Variants in CAMTA1 observed in about 807,000 individuals in gnomAD.
The protein encoded by CAMTA1 is calmodulin-binding transcription activator 1.
Under a neutral mutation model 170.9 loss-of-function variants are expected in CAMTA1, and 27 were observed. The observed-to-expected ratio is 0.16, with a 90% CI of 0.12 to 0.22. The LOEUF is 0.22. Ranked by LOEUF, CAMTA1 falls within the 10% of genes least tolerant of loss-of-function variation. The pLI, the probability that CAMTA1 is intolerant of heterozygous loss-of-function variation, is 1.00. For missense variants in CAMTA1, 1,619 were observed against 2,217.2 expected (o/e 0.73, Z 5.42); for synonymous variants, 833 against 891.5 (o/e 0.93, Z 1.17).
intron 4 of CAMTA1, among the ~76,000 whole-genome samples, chr1:7,139,797 C>T (rs1400554373): frequency 2.0e-5 from 3 of 152,210 alleles, no homozygotes; most frequent in African/African-American, 7.2e-5. Context: ...CTTCTGTTTT[C>T]TCCCTGAGCA....
chr1:6,986,058 C>T lies in CAMTA1; in HGVS notation c.235-105246C>T, dbSNP rs553316843. ...TTAAGACTTTTACAAGGTGGTTCCT[C>T]GGGACAGCCCCCACTGGCTGCTCCC... On this transcript the variant is annotated intron_variant, in intron 3 of 22. Coordinates refer to ENST00000303635, the MANE Select transcript of CAMTA1 (RefSeq NM_015215.4). Among the ~76,000 whole-genome samples, 8 of 152,294 alleles carry T rather than the reference C, an allele frequency of 5.3e-5. No individual in the cohort carries two copies. The East Asian group carries it at 1.5e-3, about 29-fold the overall frequency.
At chr1:7,365,962 T>C (rs2150013406) in intron 5 of CAMTA1, among the ~76,000 whole-genome samples, 1 of 152,312 alleles carries the variant, frequency 6.6e-6, no homozygotes, top group African/African-American at 2.4e-5. Context: ...GGGGGTGTCC[T>C]CTATGGCCCT....
intron 6 of CAMTA1, among the ~76,000 whole-genome samples, chr1:7,509,979 C>T (rs1045551057): frequency 4.0e-5 from 6 of 151,180 alleles, no homozygotes; most frequent in Non-Finnish European, 7.4e-5. Context: ...TCTGTCACTC[C>T]CGAGTCATCC....
chr1:7,213,899 T>G (rs368705711), intron 4 of CAMTA1, among the ~76,000 whole-genome samples: 1 of 152,108 alleles, frequency 6.6e-6, no homozygotes, highest in Non-Finnish European at 1.5e-5. Context: ...GAGAATGATG[T>G]TTTCCAGCTT....
intron 6 of CAMTA1, among the ~76,000 whole-genome samples, chr1:7,498,610 TCTG>T (rs1447029408): frequency 2.0e-5 from 3 of 151,968 alleles, no homozygotes; most frequent in Non-Finnish European, 4.4e-5. Context: ...AGTGTGAACA[TCTG>T]TGTGCAGTGT....
rs533283015 is a variant in CAMTA1 at position 7,374,831 on chromosome 1, G to A, written c.439-92999G>A. ...TACCCCCACGTTGCAAGGGAATGAA[G>A]CTCAGAGATGAGACACGTGGCTTCT... On this transcript the variant is annotated intron_variant, in intron 5 of 22. Transcript: ENST00000303635. Among the ~76,000 whole-genome samples, 4 of 152,330 alleles carry A rather than the reference G, an allele frequency of 2.6e-5. No individual in the cohort carries two copies. The East Asian group carries it at 7.7e-4, about 29-fold the overall frequency.
At chr1:7,082,545 G>C (rs992822279) in intron 3 of CAMTA1, among the ~76,000 whole-genome samples, 7 of 152,078 alleles carry the variant, frequency 4.6e-5, no homozygotes, top group Non-Finnish European at 5.9e-5. Flanking sequence ...CTGGTTCTTC[G>C]GGATAAAACT....
chr1:6,815,312 C>T (rs756046247), intron 1 of CAMTA1, among the ~76,000 whole-genome samples: 8 of 152,030 alleles, frequency 5.3e-5, no homozygotes, highest in East Asian at 1.9e-4. Context: ...TCAAGCAATC[C>T]GCCTGCCTCA....
In CAMTA1 at chr1:7,426,655, A is replaced by G. The variant is rs1312293325; in HGVS notation, c.439-41175A>G. ...TGGGGGCTGATGGCGACTGTGCAAAAAAGCAGGGGTTGGGGCGGGGGAAAG... is the reference window on the plus strand; with the variant it reads ...TGGGGGCTGATGGCGACTGTGCAAAGAAGCAGGGGTTGGGGCGGGGGAAAG... On this transcript the variant is annotated intron_variant, in intron 5 of 22. Transcript: ENST00000303635. The surrounding 1 kb of genome is among the most constrained non-coding windows in gnomAD (Gnocchi z 4.8). 6.6e-6 allele frequency among the ~76,000 whole-genome samples: 1 copy of G among 151,368 alleles called. No individual in the cohort carries two copies. Among genetic ancestry groups the G allele is most frequent in the Non-Finnish European group, 1.5e-5 (1 of 67,978 alleles).
chr1:7,117,381 TA>T lies in CAMTA1; in HGVS notation c.302+26011del, dbSNP rs201867908. Among the ~76,000 whole-genome samples, 628 of 152,278 alleles carry T rather than the reference TA, an allele frequency of 4.1e-3. 13 individuals carry two copies. In the East Asian group the frequency reaches 0.044, roughly 11 times the overall value. On this transcript the variant is annotated intron_variant, in intron 4 of 22. Coordinates refer to ENST00000303635, the MANE Select transcript of CAMTA1 (RefSeq NM_015215.4). ...GGGGATAAACAGAGCTGATTCTCAG[TA>T]CACATAGAACTCAATTGATGAAGCA...
intron 16 of CAMTA1, among the ~76,000 whole-genome samples, chr1:7,741,445 C>G (rs1267494396): frequency 6.6e-6 from 1 of 151,998 alleles, no homozygotes; most frequent in Non-Finnish European, 1.5e-5. Flanking sequence ...CACCTGTAGT[C>G]CCAGTACTCG....
chr1:7,097,815 G>C (rs1642254214), intron 4 of CAMTA1, among the ~76,000 whole-genome samples: 1 of 152,184 alleles, frequency 6.6e-6, no homozygotes, highest in African/African-American at 2.4e-5. Flanking sequence ...CTCTGGAGAT[G>C]GAAAGTAGAT....
intron 4 of CAMTA1, among the ~76,000 whole-genome samples, chr1:7,232,495 A>G (rs1275039087): frequency 6.6e-6 from 1 of 152,210 alleles, no homozygotes; most frequent in East Asian, 1.9e-4. Flanking sequence ...ATCTTGGGTT[A>G]TCTTCTTTAC....
chr1:6,887,714 C>A lies in CAMTA1; in HGVS notation c.234+62504C>A. ...GAAGAGGGATCCACAGAGCTGGAGC[C>A]ATGAGGGCTGACACATTGGAATGAA... On this transcript the variant is annotated intron_variant, in intron 3 of 22. Transcript: ENST00000303635. The surrounding 1 kb of genome is among the most constrained non-coding windows in gnomAD (Gnocchi z 4.1). 1 of 1,535,310 alleles carries A rather than the reference C, an allele frequency of 6.5e-7. No individual in the cohort carries two copies. The highest frequency in any genetic ancestry group is 1.2e-5 in the South Asian group (1 of 84,044).
intron 4 of CAMTA1, among the ~76,000 whole-genome samples, chr1:7,187,148 G>A (rs1383370230): frequency 6.6e-6 from 1 of 152,062 alleles, no homozygotes; most frequent in Non-Finnish European, 1.5e-5. Context: ...GGTGGGTGCG[G>A]GGGCATTTGA....
chr1:6,995,888 A>G (rs1405699112), intron 3 of CAMTA1, among the ~76,000 whole-genome samples: 1 of 152,164 alleles, frequency 6.6e-6, no homozygotes, highest in African/African-American at 2.4e-5. Context: ...GGCTAGTTCA[A>G]ACAATTTTGG....
intron 3 of CAMTA1, among the ~76,000 whole-genome samples, chr1:6,843,771 C>T (rs1006387868): frequency 2.6e-5 from 4 of 152,184 alleles, no homozygotes; most frequent in South Asian, 4.1e-4. Flanking sequence ...TGAGCCACTG[C>T]GCCCGGCCCC....
intron 6 of CAMTA1, among the ~76,000 whole-genome samples, chr1:7,518,605 C>A (rs2094319679): frequency 6.6e-6 from 1 of 152,016 alleles, no homozygotes; most frequent in Admixed American, 6.5e-5. Flanking sequence ...ACACTGCCCT[C>A]AGGAGAAATG....
At chr1:7,630,837 G>A (rs1365838316) in intron 6 of CAMTA1, among the ~76,000 whole-genome samples, 1 of 152,202 alleles carries the variant, frequency 6.6e-6, no homozygotes, top group Non-Finnish European at 1.5e-5. Context: ...TGCCACACTC[G>A]GCCGCAGTGG....
Sources: gnomAD v4.1 joint callset for allele counts (sites outside exome capture counted in the v4.1 genomes callset) on GRCh38, gnomAD v4.1.1 for gene constraint, Gnocchi (gnomAD v3.1) non-coding constraint, MANE v1.5 for transcripts, NCBI Gene and HGNC (gene_info 2026-07-23, HGNC 2026-07-21) for gene names.